OXR1: variants seen among roughly 807,000 people sequenced by gnomAD.
OXR1 encodes oxidation resistance 1, also known as oxidation resistance protein 1.
A neutral mutation model predicts 104.6 loss-of-function variants in OXR1; 41 were observed. The ratio of observed to expected loss-of-function variants is 0.39; its 90% CI spans 0.31 to 0.51. OXR1 has a LOEUF of 0.51. Ranked by LOEUF, OXR1 falls within the 20% of genes least tolerant of loss-of-function variation. OXR1 has a pLI of 0.77. For missense variants in OXR1, 955 were observed against 1,031.9 expected, an observed-to-expected ratio of 0.93 and a Z score of 1.02; for synonymous variants, 348 against 348.4, an observed-to-expected ratio of 1.00 and a Z score of 0.01.
intron 3 of OXR1, among the ~76,000 whole-genome samples, chr8:106,581,497 G>GT (rs201014920): frequency 2.1e-3 from 310 of 147,608 alleles, no homozygotes; most frequent in Non-Finnish European, 3.3e-3. Context: ...TTGATTCTGT[G>GT]TTTTTTTTTT....
At chr8:106,491,842 A>C (rs1463597836) in intron 2 of OXR1, among the ~76,000 whole-genome samples, 1 of 152,192 alleles carries the variant, frequency 6.6e-6, no homozygotes, top group East Asian at 1.9e-4. Context: ...GTGAGTGTTT[A>C]GATCAATGCT....
At chr8:106,599,585 CAGA>C (rs1216113250) in intron 3 of OXR1, among the ~76,000 whole-genome samples, 2 of 152,098 alleles carry the variant, frequency 1.3e-5, no homozygotes, top group Admixed American at 1.3e-4. Context: ...CAAAGTAAGC[CAGA>C]AGCTTAAGTA....
intron 2 of OXR1, among the ~76,000 whole-genome samples, chr8:106,388,975 A>G (rs1817492364): frequency 6.6e-6 from 1 of 152,226 alleles, no homozygotes. Flanking sequence ...TGAGAATTAT[A>G]TAATGACCTC....
chr8:106,306,738 G>T (rs1013655757), intron 1 of OXR1, among the ~76,000 whole-genome samples: 3 of 152,124 alleles, frequency 2.0e-5, no homozygotes, highest in African/African-American at 7.2e-5. Context: ...GGGCTAAAAG[G>T]GAAAGCAAGA....
chr8:106,451,658 G>C (rs1820321437), intron 2 of OXR1, among the ~76,000 whole-genome samples: 1 of 152,152 alleles, frequency 6.6e-6, no homozygotes, highest in African/African-American at 2.4e-5. Context: ...GCATTACGTT[G>C]CTTGATATAG....
intron 2 of OXR1, among the ~76,000 whole-genome samples, chr8:106,495,310 T>G (rs184325224): frequency 1.7e-4 from 26 of 152,212 alleles, no homozygotes; most frequent in African/African-American, 6.3e-4. Flanking sequence ...CTATTGAAAG[T>G]GTTAGGAATG....
chr8:106,736,640 C>T (rs1249553099), intron 11 of OXR1, among the ~76,000 whole-genome samples: 1 of 152,170 alleles, frequency 6.6e-6, no homozygotes, highest in Non-Finnish European at 1.5e-5. Flanking sequence ...ACTATTATGT[C>T]AACCTGAGGA....
At chr8:106,707,540 T>C (rs776922239) in intron 9 of OXR1, 15 of 316,810 alleles carry the variant, frequency 4.7e-5, no homozygotes, top group Non-Finnish European at 8.5e-5. Flanking sequence ...ATTGCCAAAG[T>C]TGTAATCCCA....
chr8:106,727,052 T>C (rs1170123089), intron 11 of OXR1, among the ~76,000 whole-genome samples: 2 of 152,210 alleles, frequency 1.3e-5, no homozygotes, highest in African/African-American at 4.8e-5. Flanking sequence ...TGTCAAAATA[T>C]TAAAATTTTA....
At chr8:106,301,032 A>G (rs912431485) in intron 1 of OXR1, among the ~76,000 whole-genome samples, 3 of 152,198 alleles carry the variant, frequency 2.0e-5, no homozygotes, top group South Asian at 4.1e-4. Flanking sequence ...AAATGTGACA[A>G]TTTTAGGTAC....
At chr8:106,416,770 T>C (rs564197915) in intron 2 of OXR1, among the ~76,000 whole-genome samples, 11 of 152,246 alleles carry the variant, frequency 7.2e-5, no homozygotes, top group African/African-American at 2.4e-4. Context: ...TGAAAGCTCG[T>C]CATTCTGGTC....
chr8:106,308,684 T>C (rs1490405928), intron 1 of OXR1, among the ~76,000 whole-genome samples: 1 of 152,124 alleles, frequency 6.6e-6, no homozygotes, highest in Non-Finnish European at 1.5e-5. Context: ...CGCCTATTGA[T>C]TAATGCTTAA....
chr8:106,691,872 A>G (rs1056606395), intron 6 of OXR1, among the ~76,000 whole-genome samples: 55 of 150,694 alleles, frequency 3.6e-4, no homozygotes, highest in Non-Finnish European at 6.8e-4. Context: ...TGTTGATAAC[A>G]TAGGTTTGCA....
chr8:106,622,786 T>C (rs761933959), intron 3 of OXR1, among the ~76,000 whole-genome samples: 1 of 152,190 alleles, frequency 6.6e-6, no homozygotes, highest in Non-Finnish European at 1.5e-5. Flanking sequence ...CTCCTTACAC[T>C]AACACATATT....
chr8:106,646,590 G>A (rs1200514134), intron 3 of OXR1, among the ~76,000 whole-genome samples: 1 of 152,074 alleles, frequency 6.6e-6, no homozygotes, highest in African/African-American at 2.4e-5. Flanking sequence ...AACATGAGAA[G>A]GTACAGCAAT....
At chr8:106,322,441 A>G (rs929092158) in intron 1 of OXR1, among the ~76,000 whole-genome samples, 1 of 152,202 alleles carries the variant, frequency 6.6e-6, no homozygotes, top group African/African-American at 2.4e-5. Context: ...AGCCAACATT[A>G]TACTGAATAG....
At chr8:106,325,987 A>G (rs1814453354) in intron 1 of OXR1, among the ~76,000 whole-genome samples, 2 of 152,230 alleles carry the variant, frequency 1.3e-5, no homozygotes, top group Admixed American at 6.5e-5. Flanking sequence ...AATAACAGAC[A>G]TATGTATAGT....
chr8:106,372,148 T>C (rs1816733064), intron 2 of OXR1, among the ~76,000 whole-genome samples: 2 of 152,170 alleles, frequency 1.3e-5, no homozygotes, highest in African/African-American at 4.8e-5. Context: ...CCTGGTGGCA[T>C]GGGTTCGCAA....
intron 6 of OXR1, among the ~76,000 whole-genome samples, chr8:106,689,726 A>T (rs918414455): frequency 1.3e-5 from 2 of 152,066 alleles, no homozygotes; most frequent in South Asian, 4.1e-4. Flanking sequence ...GAAGCTTGTG[A>T]ATATTTGTAA....
Sources: allele counts gnomAD v4.1 joint callset (sites outside exome capture counted in the v4.1 genomes callset), GRCh38; gene constraint gnomAD v4.1.1; transcripts MANE v1.5; gene names NCBI Gene and HGNC (gene_info 2026-07-23, HGNC 2026-07-21).